Variants in DCDC1 observed in about 807,000 individuals in gnomAD.
DCDC1 encodes doublecortin domain containing 1.
A neutral mutation model predicts 178.3 loss-of-function variants in DCDC1; 200 were observed. The observed-to-expected ratio is 1.12, with a 90% confidence interval of 1.00 to 1.26. The LOEUF (loss-of-function observed/expected upper bound fraction) is 1.26. DCDC1 is among the 50% of genes most tolerant of loss of function. The pLI is 0.00. For missense variants in DCDC1, 1,983 were observed against 1,749.2 expected (o/e 1.13, Z -2.38); for synonymous variants, 690 against 604.8 (o/e 1.14, Z -2.07).
chr11:30,994,719 TTATAA>T (rs1277305862), intron 20 of DCDC1, among the ~76,000 whole-genome samples: 2 of 144,516 alleles, frequency 1.4e-5, no homozygotes, highest in East Asian at 3.9e-4. Context: ...ATAGTATATG[TTATAA>T]TATATTATAT....
At chr11:31,004,078 A>C (rs1220202053) in intron 20 of DCDC1, among the ~76,000 whole-genome samples, 1 of 152,164 alleles carries the variant, frequency 6.6e-6, no homozygotes, top group Non-Finnish European at 1.5e-5. Context: ...GTTTCTGGGA[A>C]GATCCAAAAG....
intron 25 of DCDC1, among the ~76,000 whole-genome samples, chr11:30,920,308 AT>A (rs1946155103): frequency 6.6e-6 from 1 of 152,234 alleles, no homozygotes; most frequent in Non-Finnish European, 1.5e-5. Context: ...AGGATTGTAC[AT>A]TAGAAAGTTA....
chr11:31,277,481 T>C (rs1946078985), intron 7 of DCDC1, among the ~76,000 whole-genome samples: 1 of 152,146 alleles, frequency 6.6e-6, no homozygotes, highest in South Asian at 2.1e-4. Flanking sequence ...AGCTTAACTT[T>C]ATATGAAAGT....
At chr11:31,129,663 A>G (rs1962168952) in intron 10 of DCDC1, among the ~76,000 whole-genome samples, 1 of 151,894 alleles carries the variant, frequency 6.6e-6, no homozygotes, top group South Asian at 2.1e-4. Context: ...CCATTCTTTC[A>G]TTTCTTATAA....
intron 37 of DCDC1, among the ~76,000 whole-genome samples, chr11:30,879,218 A>C (rs1484878760): frequency 6.6e-6 from 1 of 152,202 alleles, no homozygotes; most frequent in African/African-American, 2.4e-5. Context: ...GTTATCATAG[A>C]GTGCTTTTGA....
At chr11:31,132,306 G>A (rs1418453440) in intron 10 of DCDC1, among the ~76,000 whole-genome samples, 1 of 152,014 alleles carries the variant, frequency 6.6e-6, no homozygotes, top group African/African-American at 2.4e-5. Flanking sequence ...TATCCCCAAA[G>A]TGTTATGTTT....
chr11:31,087,990 T>C (rs1017351004), intron 17 of DCDC1, among the ~76,000 whole-genome samples: 11 of 152,242 alleles, frequency 7.2e-5, no homozygotes, highest in African/African-American at 2.6e-4. Context: ...TCAGGTATTT[T>C]GAAGCTGTGC....
At chr11:31,257,707 C>CACACACACACACAT (rs1430469201) in intron 8 of DCDC1, among the ~76,000 whole-genome samples, 1 of 151,724 alleles carries the variant, frequency 6.6e-6, no homozygotes, top group Non-Finnish European at 1.5e-5. Flanking sequence ...CACACACACA[C>CACACACACACACAT]ACACACACAC....
At chr11:31,239,982 C>T (rs1453937792) in intron 9 of DCDC1, among the ~76,000 whole-genome samples, 1 of 151,758 alleles carries the variant, frequency 6.6e-6, no homozygotes, top group African/African-American at 2.4e-5. Context: ...TTATTTCTAA[C>T]ATCCTTACTT....
intron 5 of DCDC1, among the ~76,000 whole-genome samples, 187 bp from the exon 6 acceptor site, chr11:31,305,964 T>C (rs898809394): frequency 6.6e-6 from 1 of 152,150 alleles, no homozygotes; most frequent in Non-Finnish European, 1.5e-5. Flanking sequence ...ATCTAATTAT[T>C]GACTAAATTT....
Position 30,916,889 on chromosome 11 carries a change from C to G in DCDC1, c.3433G>C (p.Glu1145Gln). 1 of 1,605,252 alleles carries G rather than the reference C, an allele frequency of 6.2e-7. No homozygotes were observed. The highest frequency in any genetic ancestry group is 8.5e-7 in the Non-Finnish European group (1 of 1,176,610). The change falls in exon 26 of 39, where the codon GAA becomes CAA. Residue 1145 changes from glutamate (E) to glutamine (Q), a missense_variant. Physicochemically the swap from Glu to Gln is conservative, Grantham distance 29 (BLOSUM62 2). Transcript: ENST00000684477. Reference sequence around the variant, plus strand: ...TTTTACCTGTGTTTCTTCTGTGGTTCCACATTTTCAAAGAGCCCTTTTTCC... The same window carrying G: ...TTTTACCTGTGTTTCTTCTGTGGTTGCACATTTTCAAAGAGCCCTTTTTCC... ...KTEKGLFENV[E>Q]PQKKHSCSPK...
At chr11:30,954,348 C>A (rs558501721) in intron 20 of DCDC1, among the ~76,000 whole-genome samples, 30 of 152,180 alleles carry the variant, frequency 2.0e-4, no homozygotes, top group Admixed American at 7.9e-4. Flanking sequence ...AAATTAATTT[C>A]TGGAAAAAAC....
intron 6 of DCDC1, among the ~76,000 whole-genome samples, chr11:31,293,065 T>G (rs915683388): frequency 6.6e-6 from 1 of 152,176 alleles, no homozygotes; most frequent in Non-Finnish European, 1.5e-5. Context: ...AATTATCTAG[T>G]GAGCATCACT....
chr11:30,894,053 C>A (rs1389681740), intron 35 of DCDC1, among the ~76,000 whole-genome samples, 195 bp downstream of exon 35: 1 of 152,164 alleles, frequency 6.6e-6, no homozygotes, highest in Admixed American at 6.5e-5. Flanking sequence ...ACAAAACAGA[C>A]CCTCATATGA....
chr11:31,240,574 A>C (rs1976997182), intron 9 of DCDC1, among the ~76,000 whole-genome samples: 1 of 151,994 alleles, frequency 6.6e-6, no homozygotes, highest in Non-Finnish European at 1.5e-5. Context: ...GCAGAGAATA[A>C]TATAGCATGA....
At chr11:31,058,460 G>T (rs761886214) in intron 20 of DCDC1, among the ~76,000 whole-genome samples, 21 of 152,042 alleles carry the variant, frequency 1.4e-4, no homozygotes, top group Non-Finnish European at 2.9e-4. Context: ...TATATGACAG[G>T]TAGCAATAAG....
chr11:31,046,584 TTAA>T (rs1002626066), intron 20 of DCDC1, among the ~76,000 whole-genome samples: 7 of 148,892 alleles, frequency 4.7e-5, no homozygotes, highest in African/African-American at 1.5e-4. Flanking sequence ...AAGAGTCCTG[TTAA>T]TCTCAAAGTG....
In DCDC1 at chr11:31,172,463, C is replaced by A. The variant is rs1967368150; in HGVS notation, c.1222-34679G>T. On this transcript the variant is annotated intron_variant, in intron 9 of 38. Transcript: ENST00000684477. ...TTTACTGACATCAATATAATGAAAT[C>A]TATAAATTAGTACAGTTGAGCCTCA... Among the ~76,000 whole-genome samples, 4 of 152,014 alleles carry A rather than the reference C, an allele frequency of 2.6e-5. No homozygotes were observed. The South Asian group carries it at 8.3e-4, about 31-fold the overall frequency.
At chr11:30,872,395 C>G (rs1452541522) in intron 38 of DCDC1, among the ~76,000 whole-genome samples, 2 of 152,022 alleles carry the variant, frequency 1.3e-5, no homozygotes, top group African/African-American at 4.8e-5. Flanking sequence ...AAATATGCCT[C>G]AATAATTTTA....
Sources: gnomAD v4.1 joint callset for allele counts (sites outside exome capture counted in the v4.1 genomes callset) on GRCh38, gnomAD v4.1.1 for gene constraint, MANE v1.5 for transcripts, NCBI Gene and HGNC (gene_info 2026-07-23, HGNC 2026-07-21) for gene names.